BBS9: variants seen among roughly 807,000 people sequenced by gnomAD.
BBS9 encodes Bardet-Biedl syndrome 9.
A neutral mutation model predicts 117.7 loss-of-function variants in BBS9; 89 were observed. The ratio of observed to expected loss-of-function variants is 0.76; its 90% CI spans 0.64 to 0.90. The LOEUF is 0.90. Among genes scored for constraint, BBS9 ranks in the 40% least tolerant of loss-of-function variants. The probability of loss-of-function intolerance (pLI) is 0.00; values close to 1 mark genes in which losing one functional copy is unlikely to be tolerated. For synonymous variants in BBS9, 379 were observed against 370.9 expected, an observed-to-expected ratio of 1.02 and a Z score of -0.25; for missense variants, 982 against 1,042.2, an observed-to-expected ratio of 0.94 and a Z score of 0.80.
intron 5 of BBS9, among the ~76,000 whole-genome samples, chr7:33,214,919 C>T (rs1425126829): frequency 1.3e-5 from 2 of 152,196 alleles, no homozygotes; most frequent in Non-Finnish European, 2.9e-5. Flanking sequence ...CTGGGCCTGG[C>T]GCAGTGGCTC....
chr7:33,333,579 A>T (rs374655600), intron 9 of BBS9, among the ~76,000 whole-genome samples: 2 of 152,264 alleles, frequency 1.3e-5, no homozygotes, highest in East Asian at 3.9e-4. Flanking sequence ...ATCATCAGGG[A>T]ATGCTACTCA....
chr7:33,412,223 G>A (rs1242302304), intron 19 of BBS9, among the ~76,000 whole-genome samples: 1 of 152,114 alleles, frequency 6.6e-6, no homozygotes, highest in East Asian at 1.9e-4. Context: ...TATTTAGCAG[G>A]TAAATACTGC....
chr7:33,162,262 A>G (rs914282921), intron 4 of BBS9, among the ~76,000 whole-genome samples: 3 of 152,196 alleles, frequency 2.0e-5, no homozygotes, highest in African/African-American at 7.2e-5. Context: ...AGCTTTCTAC[A>G]TATGGCTAGC....
At chr7:33,468,314 A>G (rs1168586085) in intron 19 of BBS9, among the ~76,000 whole-genome samples, 1 of 152,140 alleles carries the variant, frequency 6.6e-6, no homozygotes. Context: ...TATATTCTGC[A>G]ATGAAGGCTG....
chr7:33,146,210 G>T, intron 1 of BBS9, 32 bp from the exon 2 acceptor site: 1 of 1,417,706 alleles, frequency 7.1e-7, no homozygotes, highest in Non-Finnish European at 1.0e-6. Flanking sequence ...TTCATAGTGT[G>T]AAGTAGATTA....
At chr7:33,194,109 C>T (rs1325794154) in intron 5 of BBS9, among the ~76,000 whole-genome samples, 1 of 152,006 alleles carries the variant, frequency 6.6e-6, no homozygotes, top group Non-Finnish European at 1.5e-5. Context: ...AGAAAAAATA[C>T]CAAAATGATA....
intron 21 of BBS9, among the ~76,000 whole-genome samples, chr7:33,574,141 C>G (rs978358961): frequency 2.0e-5 from 3 of 152,118 alleles, no homozygotes; most frequent in Non-Finnish European, 4.4e-5. Context: ...TCCACCTACA[C>G]CACATCATCT....
intron 15 of BBS9, among the ~76,000 whole-genome samples, chr7:33,356,797 A>G (rs2128683387): frequency 6.6e-6 from 1 of 151,902 alleles, no homozygotes; most frequent in Non-Finnish European, 1.5e-5. Context: ...CTCCAAACTA[A>G]CTGCTTCTGC....
intron 21 of BBS9, among the ~76,000 whole-genome samples, chr7:33,623,587 TA>T (rs1352202648): frequency 4.5e-5 from 2 of 44,700 alleles, no homozygotes; most frequent in South Asian, 1.2e-3. Context: ...AAAGCATGAT[TA>T]AAAAAAAGAA....
At chr7:33,274,073 A>G in intron 9 of BBS9, 117 bp downstream of exon 9, 1 of 1,027,886 alleles carries the variant, frequency 9.7e-7, no homozygotes, top group Admixed American at 2.0e-5. Context: ...ACATTGTAGT[A>G]TGAATGTCAA....
At chr7:33,168,966 C>G (rs1290220836) in intron 4 of BBS9, among the ~76,000 whole-genome samples, 1 of 151,964 alleles carries the variant, frequency 6.6e-6, no homozygotes, top group Non-Finnish European at 1.5e-5. Flanking sequence ...CCCGCTCCCC[C>G]CACCCCACCA....
chr7:33,321,429 A>G (rs984315078), intron 9 of BBS9, among the ~76,000 whole-genome samples: 4 of 151,788 alleles, frequency 2.6e-5, no homozygotes, highest in African/African-American at 9.7e-5. Context: ...TATAGTTTTC[A>G]TTGTAGAGAC....
At chr7:33,569,998 A>G (rs1217302462) in intron 21 of BBS9, among the ~76,000 whole-genome samples, 2 of 152,196 alleles carry the variant, frequency 1.3e-5, no homozygotes, top group African/African-American at 2.4e-5. Flanking sequence ...ATACATGCTT[A>G]TCTTAAAAAG....
rs1818929427 is a variant in BBS9, at chr7:33,352,887, T to C, written c.1552+14T>C. On this transcript the variant is annotated intron_variant, in intron 15 of 22. Transcript: ENST00000242067. ...GAAATCCTGATGGTAAGTGTAAAGA[T>C]AATTTAGAAAAAAATGAATTTCAGA... 1.2e-6 allele frequency: 2 copies of C among 1,609,398 alleles called. No individual in the cohort carries two copies. The highest frequency in any genetic ancestry group is 2.7e-5 in the African/African-American group (2 of 74,888).
chr7:33,272,106 T>C (rs533172283), intron 7 of BBS9, among the ~76,000 whole-genome samples: 8 of 152,288 alleles, frequency 5.3e-5, no homozygotes, highest in Admixed American at 5.2e-4. Context: ...TGGATGGAGC[T>C]GGAGGCCATT....
intron 5 of BBS9, among the ~76,000 whole-genome samples, chr7:33,239,147 TA>T (rs1794040423): frequency 6.6e-6 from 1 of 152,168 alleles, no homozygotes; most frequent in Admixed American, 6.6e-5. Flanking sequence ...TGAAAGTTTT[TA>T]AAAGTTCCTA....
intron 19 of BBS9, among the ~76,000 whole-genome samples, chr7:33,422,901 G>A (rs1374777631): frequency 3.9e-5 from 6 of 152,142 alleles, no homozygotes; most frequent in Middle Eastern, 6.8e-3. Context: ...TGAGCCATCC[G>A]TGCCTGGCCT....
chr7:33,572,489 C>T (rs901603374), intron 21 of BBS9, among the ~76,000 whole-genome samples: 1 of 152,000 alleles, frequency 6.6e-6, no homozygotes, highest in Non-Finnish European at 1.5e-5. Context: ...TATAATAGTT[C>T]TATTTTTAGT....
intron 20 of BBS9, among the ~76,000 whole-genome samples, chr7:33,517,783 A>G (rs1181512062): frequency 2.6e-5 from 4 of 152,242 alleles, no homozygotes; most frequent in African/African-American, 7.2e-5. Flanking sequence ...AAAAATGAAC[A>G]GTCTGACTCA....
Sources: gnomAD v4.1 joint callset for allele counts (sites outside exome capture counted in the v4.1 genomes callset) on GRCh38, gnomAD v4.1.1 for gene constraint, MANE v1.5 for transcripts, NCBI Gene and HGNC (gene_info 2026-07-23, HGNC 2026-07-21) for gene names.